ATP11B: variants seen among roughly 807,000 people sequenced by gnomAD.
The protein encoded by ATP11B is ATPase phospholipid transporting 11B (putative).
In ATP11B, 81 loss-of-function variants were observed where a neutral mutation model predicts 157.8. That is an observed-to-expected ratio of 0.51 (90% CI 0.43 to 0.62). The LOEUF (loss-of-function observed/expected upper bound fraction) is 0.62, where lower values mean the gene tolerates loss of function less well. Ranked by LOEUF, ATP11B falls within the 20% of genes least tolerant of loss-of-function variation. The probability of loss-of-function intolerance (pLI) is 0.00; values close to 1 mark genes in which losing one functional copy is unlikely to be tolerated. For missense variants in ATP11B, 1,165 were observed against 1,402.2 expected, an observed-to-expected ratio of 0.83 and a Z score of 2.70; for synonymous variants, 451 against 469.4, an observed-to-expected ratio of 0.96 and a Z score of 0.51.
intron 1 of ATP11B, among the ~76,000 whole-genome samples, chr3:182,816,612 G>A (rs1195488799): frequency 1.3e-5 from 2 of 152,148 alleles, no homozygotes; most frequent in South Asian, 2.1e-4. Context: ...AGATAAAGGT[G>A]TTACTGAAAC....
chr3:182,794,448 G>A (rs1055804187), intron 1 of ATP11B, among the ~76,000 whole-genome samples: 1 of 152,132 alleles, frequency 6.6e-6, no homozygotes, highest in African/African-American at 2.4e-5. Context: ...ACGTACTGTC[G>A]TTTCCTTCCT....
At chr3:182,914,711 C>T (rs561567705) in intron 29 of ATP11B, 46 of 984,740 alleles carry the variant, frequency 4.7e-5, no homozygotes, top group Admixed American at 6.2e-5. Context: ...TGCACCATAA[C>T]GAAAAAAAAC....
chr3:182,918,178 C>T lies in ATP11B; in HGVS notation c.*74C>T. 6.3e-7 allele frequency: 1 copy of T among 1,579,228 alleles called. No individual in the cohort carries two copies. The highest frequency in any genetic ancestry group is 2.3e-5 in the East Asian group (1 of 44,348). ...TCAGTGTGATCACCCTGTTAATGGCCACACTAGCTCTGAAATTAATTTCCA... is the reference window on the plus strand; with the variant it reads ...TCAGTGTGATCACCCTGTTAATGGCTACACTAGCTCTGAAATTAATTTCCA... On this transcript the variant is annotated 3_prime_UTR_variant, in exon 30 of 30. Transcript: ENST00000323116.
chr3:182,896,902 T>G, intron 26 of ATP11B, 137 bp downstream of exon 26: 2 of 657,998 alleles, frequency 3.0e-6, no homozygotes, highest in South Asian at 4.4e-5. Context: ...GTTACTATTT[T>G]AATAGTTAAA....
At chr3:182,887,409 T>C (rs903898339) in intron 23 of ATP11B, among the ~76,000 whole-genome samples, 177 bp from the exon 24 acceptor site, 1 of 152,196 alleles carries the variant, frequency 6.6e-6, no homozygotes, top group African/African-American at 2.4e-5. Flanking sequence ...CCTAGGAACA[T>C]TATATGTTTA....
chr3:182,817,255 A>C lies in ATP11B; in HGVS notation c.28-3005A>C, dbSNP rs1022704987. Among the ~76,000 whole-genome samples, 4 of 151,622 alleles carry C rather than the reference A, an allele frequency of 2.6e-5. No individual in the cohort carries two copies. In the East Asian group the frequency reaches 5.8e-4, roughly 22 times the overall value. On this transcript the variant is annotated intron_variant, in intron 1 of 29. Coordinates refer to ENST00000323116, the MANE Select transcript of ATP11B (RefSeq NM_014616.3). ...ATTTTTAAAATTCAGTTTAATTTAT[A>C]ATGTATTTTGGGGGGACCGTTTTTT...
chr3:182,892,199 C>T (rs1723221310), intron 25 of ATP11B, among the ~76,000 whole-genome samples: 1 of 152,140 alleles, frequency 6.6e-6, no homozygotes, highest in South Asian at 2.1e-4. Flanking sequence ...TTCCCTTTCC[C>T]CAAGATTCCC....
At chr3:182,907,259 T>C (rs1407199450) in intron 28 of ATP11B, among the ~76,000 whole-genome samples, 1 of 152,224 alleles carries the variant, frequency 6.6e-6, no homozygotes, top group Non-Finnish European at 1.5e-5. Context: ...ATTGTATTAT[T>C]TGGACTAATT....
chr3:182,857,094 A>G (rs1720460009), intron 10 of ATP11B, among the ~76,000 whole-genome samples: 1 of 152,162 alleles, frequency 6.6e-6, no homozygotes, highest in Non-Finnish European at 1.5e-5. Flanking sequence ...TTGGGCTTTG[A>G]TCTTTGTCAG....
chr3:182,836,464 C>A lies in ATP11B; in HGVS notation c.546C>A (p.Asn182Lys). Residue 182 changes from asparagine (N) to lysine (K), a missense_variant, in exon 6 of 30, where the codon AAC becomes AAA. Physicochemically the swap from Asn to Lys is moderately conservative, Grantham distance 94 (BLOSUM62 0). This residue lies in a region of ATP11B where 737 missense variants were observed against 930.5 expected (regional missense o/e 0.79). Transcript: ENST00000323116. ...VTTASLDGET[N>K]LKTHVAVPET... Reference sequence around the variant, plus strand: ...CTGCTAGTTTGGACGGAGAAACTAACCTGAAGGTTTGCTTGCATATGTTTG... The same window carrying A: ...CTGCTAGTTTGGACGGAGAAACTAAACTGAAGGTTTGCTTGCATATGTTTG... The A allele has an allele frequency of 6.2e-7, 1 of 1,613,826 alleles. No homozygotes were observed. Among genetic ancestry groups the A allele is most frequent in the Non-Finnish European group, 8.5e-7 (1 of 1,179,826 alleles).
At chr3:182,913,819 A>T in intron 28 of ATP11B, 42 bp from the exon 29 acceptor site, 1 of 1,613,790 alleles carries the variant, frequency 6.2e-7, no homozygotes. Flanking sequence ...TCAGAAGTCC[A>T]TATCTTTAAA....
At chr3:182,893,532 A>G (rs1248941572) in intron 25 of ATP11B, among the ~76,000 whole-genome samples, 2 of 152,096 alleles carry the variant, frequency 1.3e-5, no homozygotes, top group Admixed American at 1.3e-4. Flanking sequence ...ATTCCTTTTT[A>G]TGGCTGAGTT....
chr3:182,812,076 A>C (rs1716701983), intron 1 of ATP11B, among the ~76,000 whole-genome samples: 1 of 152,114 alleles, frequency 6.6e-6, no homozygotes, highest in Admixed American at 6.5e-5. Context: ...AATAGGATTC[A>C]CCCAGGACAT....
chr3:182,860,238 C>G (rs180930614), intron 12 of ATP11B, among the ~76,000 whole-genome samples: 1 of 152,226 alleles, frequency 6.6e-6, no homozygotes, highest in Non-Finnish European at 1.5e-5. Context: ...CTGAAAATAT[C>G]TTTATTCTCT....
intron 1 of ATP11B, among the ~76,000 whole-genome samples, chr3:182,819,140 G>A (rs1305529883): frequency 6.8e-6 from 1 of 147,288 alleles, no homozygotes; most frequent in Non-Finnish European, 1.5e-5. Context: ...GCAGTGGCGC[G>A]ATTTCGGCTC....
At chr3:182,903,784 AATT>A (rs1047418006) in intron 28 of ATP11B, among the ~76,000 whole-genome samples, 5 of 152,228 alleles carry the variant, frequency 3.3e-5, no homozygotes, top group Admixed American at 6.5e-5. Context: ...TTGAGCATCT[AATT>A]GTTTAAAGCA....
At position 182,919,269 on chromosome 3, in the gene ATP11B, G is replaced by C. The variant is rs908390441; in HGVS notation, c.*1165G>C. On this transcript the variant is annotated 3_prime_UTR_variant, in exon 30 of 30. Transcript: ENST00000323116. The stretch of plus-strand genomic sequence containing the variant: ...AAACTACCACAATACAGTGAGTTCT[G>C]CCAGTGTCCCAGTACAAGGCATATT... 1.3e-5 allele frequency: 2 copies of C among 152,546 alleles called. No homozygotes were observed. Among genetic ancestry groups the C allele is most frequent in the Admixed American group, 6.5e-5 (1 of 15,272 alleles). The allele number at this position is 152,546 out of a possible 1,614,324, so 9.4% of individuals were successfully genotyped here.
In ATP11B at chr3:182,859,747, G is replaced by A. The variant is rs75866158; in HGVS notation, c.1200+388G>A. 9.3e-3 allele frequency among the ~76,000 whole-genome samples: 1,418 copies of A among 151,802 alleles called. 20 individuals are homozygous for A. The highest frequency in any genetic ancestry group is 0.033 in the African/African-American group (1,345 of 41,342). Reference sequence around the variant, plus strand: ...GTTTTAATATTGTTCACTAATTCCCGGTTCTATAGATGTGTCCTGTAATAC... The same window carrying A: ...GTTTTAATATTGTTCACTAATTCCCAGTTCTATAGATGTGTCCTGTAATAC... On this transcript the variant is annotated intron_variant, in intron 12 of 29. Transcript: ENST00000323116.
chr3:182,866,494 G>C (rs1004052160), intron 14 of ATP11B, 51 bp downstream of exon 14: 1 of 1,406,914 alleles, frequency 7.1e-7, no homozygotes, highest in Non-Finnish European at 9.5e-7. Context: ...TTAAATAAAT[G>C]TAACAATATT....
Sources: allele counts gnomAD v4.1 joint callset (sites outside exome capture counted in the v4.1 genomes callset), GRCh38; gene constraint gnomAD v4.1.1; regional missense constraint gnomAD v4.1.1; transcripts MANE v1.5; gene names NCBI Gene and HGNC (gene_info 2026-07-23, HGNC 2026-07-21).